Variants in LSP1 observed in about 807,000 individuals in gnomAD.
LSP1 encodes the protein lymphocyte specific protein 1.
Under a neutral mutation model 49.3 loss-of-function variants are expected in LSP1, and 32 were observed. The observed-to-expected ratio is 0.65, with a 90% CI of 0.49 to 0.87. The LOEUF (loss-of-function observed/expected upper bound fraction) is 0.87, where lower values mean the gene tolerates loss of function less well. LSP1 is among the 40% of genes least tolerant of loss of function. The pLI, the probability that LSP1 is intolerant of heterozygous loss-of-function variation, is 0.00. For synonymous variants in LSP1, 179 were observed against 178.8 expected (o/e 1.00, Z -0.01); for missense variants, 428 against 442.6 (o/e 0.97, Z 0.30).
At chr11:1,880,345 A>G in intron 2 of LSP1, 121 bp downstream of exon 2, 1 of 1,223,196 alleles carries the variant, frequency 8.2e-7, no homozygotes. Context: ...AGAGCGAGGA[A>G]GGGCCCCCAG....
chr11:1,868,188 G>A (rs1847856950), intron 1 of LSP1, among the ~76,000 whole-genome samples: 1 of 152,262 alleles, frequency 6.6e-6, no homozygotes, highest in Non-Finnish European at 1.5e-5. Context: ...GCCTGGCCCT[G>A]CTACCTGTGG....
At chr11:1,870,918 G>A (rs1457489671) in intron 1 of LSP1, 21 of 985,828 alleles carry the variant, frequency 2.1e-5, no homozygotes, top group East Asian at 2.3e-4. Flanking sequence ...GCGCCGCAGC[G>A]CTCCCGAGGG....
In LSP1 at chr11:1,883,570, C is replaced by G. The variant is rs369349542; in HGVS notation, c.498+10C>G. On this transcript the variant is annotated intron_variant, in intron 4 of 10. Transcript: ENST00000311604. ...GGAGGAACAGGAGGAGGTGATGGCT[C>G]CACCTCAGAGGGTCTGGGTGTACCC... is the stretch of plus-strand genomic sequence containing the variant. 1.9e-6 allele frequency: 3 copies of G among 1,603,508 alleles called. No homozygotes were observed. The African/African-American group carries it at 4.0e-5, about 21-fold the overall frequency.
intron 1 of LSP1, among the ~76,000 whole-genome samples, chr11:1,856,955 G>A (rs573021185): frequency 6.6e-6 from 1 of 152,354 alleles, no homozygotes; most frequent in South Asian, 2.1e-4. Context: ...GGGCTGCTGA[G>A]GGAGGTTAGG....
intron 1 of LSP1, among the ~76,000 whole-genome samples, chr11:1,872,590 T>C (rs1397504483): frequency 2.2e-5 from 3 of 136,016 alleles, no homozygotes; most frequent in Non-Finnish European, 3.2e-5. Context: ...AGGGGGTGTG[T>C]GTGGCAGGCA....
rs56024612 is a variant in LSP1 at position 1,884,423 on chromosome 11, G to T, written c.636-77G>T. On this transcript the variant is annotated intron_variant, in intron 6 of 10. Coordinates refer to ENST00000311604, the MANE Select transcript of LSP1 (RefSeq NM_002339.3). The surrounding 1 kb of genome is among the most constrained non-coding windows in gnomAD (Gnocchi z 4.1). ...AGGTAGAGATCTGGAGACCGAGGGGGGCTCTGGGAGAGGCTTGGGCAGGTT... is the reference window on the plus strand; with the variant it reads ...AGGTAGAGATCTGGAGACCGAGGGGTGCTCTGGGAGAGGCTTGGGCAGGTT... 14 of 1,603,656 alleles carry T rather than the reference G, an allele frequency of 8.7e-6. No individual in the cohort carries two copies. Among genetic ancestry groups the T allele is most frequent in the Admixed American group, 1.7e-5 (1 of 59,950 alleles).
intron 3 of LSP1, among the ~76,000 whole-genome samples, chr11:1,883,038 C>T (rs543921856): frequency 2.0e-5 from 3 of 152,352 alleles, no homozygotes; most frequent in African/African-American, 7.2e-5. Context: ...GAGTGGTGGC[C>T]CCAGCAGCCC....
At chr11:1,877,136 T>G (rs1053600046) in intron 1 of LSP1, among the ~76,000 whole-genome samples, 1 of 152,198 alleles carries the variant, frequency 6.6e-6, no homozygotes, top group African/African-American at 2.4e-5. Flanking sequence ...CCAAGGGGCC[T>G]GGGCCGCTGG....
At chr11:1,873,017 A>G (rs1223392233) in intron 1 of LSP1, among the ~76,000 whole-genome samples, 2 of 151,930 alleles carry the variant, frequency 1.3e-5, no homozygotes, top group African/African-American at 4.8e-5. Context: ...TGGGTGGGTA[A>G]GGAACCCAGA....
chr11:1,880,570 T>G, intron 2 of LSP1: 2 of 234,890 alleles, frequency 8.5e-6, no homozygotes, highest in Non-Finnish European at 1.6e-5. Context: ...ACGTCCAACT[T>G]GGCGGCCAGG....
chr11:1,889,034 C>T lies in LSP1; in HGVS notation c.*13+1458C>T, dbSNP rs562520913. On this transcript the variant is annotated intron_variant, in intron 10 of 10. Transcript: ENST00000311604. ...CCCAGGCTGCCCTGCACCCCATGCCCCTTGGGCCCTGGTGCATCTTCATGC... is the reference window on the plus strand; with the variant it reads ...CCCAGGCTGCCCTGCACCCCATGCCTCTTGGGCCCTGGTGCATCTTCATGC... 6.3e-4 allele frequency: 365 copies of T among 577,070 alleles called. 7 individuals are homozygous for T. The South Asian group carries it at 7.3e-3, about 12-fold the overall frequency. 35.7% of individuals were successfully genotyped at this position (577,070 alleles called of 1,614,324 possible).
chr11:1,871,459 T>G, intron 1 of LSP1: 1 of 986,156 alleles, frequency 1.0e-6, no homozygotes, highest in Non-Finnish European at 1.2e-6. Context: ...CAGCAGGACA[T>G]CAAGCCGGTT....
intron 1 of LSP1, among the ~76,000 whole-genome samples, chr11:1,878,454 G>A (rs1848401615): frequency 6.6e-6 from 1 of 152,132 alleles, no homozygotes. Context: ...CTTCTGAGGA[G>A]CAGGACAGGC....
intron 10 of LSP1, chr11:1,890,308 G>C: frequency 1.4e-6 from 1 of 711,552 alleles, no homozygotes; most frequent in African/African-American, 1.7e-5. Flanking sequence ...GGAAGGCGTG[G>C]GGCTTCGGCG....
At chr11:1,870,169 G>A (rs1231302919) in intron 1 of LSP1, 5 of 796,220 alleles carry the variant, frequency 6.3e-6, no homozygotes, top group South Asian at 4.2e-5. Context: ...GACCAAGGCC[G>A]GTCCACTTGA....
At chr11:1,868,802 G>C in intron 1 of LSP1, 1 of 985,748 alleles carries the variant, frequency 1.0e-6, no homozygotes, top group Non-Finnish European at 1.2e-6. Flanking sequence ...AGAGGACGGC[G>C]GTTCAGGCTT....
intron 10 of LSP1, chr11:1,888,769 A>C (rs1298463830): frequency 1.0e-5 from 2 of 197,380 alleles, no homozygotes; most frequent in African/African-American, 4.6e-5. Flanking sequence ...TGACAGCAAA[A>C]GGGAGGATCA....
chr11:1,878,734 G>A (rs1446618797), intron 1 of LSP1, among the ~76,000 whole-genome samples: 1 of 152,152 alleles, frequency 6.6e-6, no homozygotes, highest in East Asian at 1.9e-4. Flanking sequence ...CCAGTGGGGA[G>A]ACCCCAGCCC....
chr11:1,869,919 G>T (rs968281597), intron 1 of LSP1, among the ~76,000 whole-genome samples: 1 of 152,112 alleles, frequency 6.6e-6, no homozygotes, highest in African/African-American at 2.4e-5. Context: ...CTCTGTCCCT[G>T]CCTGGTCTTC....
Sources: gnomAD v4.1 joint callset for allele counts (sites outside exome capture counted in the v4.1 genomes callset) on GRCh38, gnomAD v4.1.1 for gene constraint, Gnocchi (gnomAD v3.1) non-coding constraint, MANE v1.5 for transcripts, NCBI Gene and HGNC (gene_info 2026-07-23, HGNC 2026-07-21) for gene names.